The following GRK3 variants were observed in gnomAD, a reference collection of about 807,000 sequenced individuals.
The protein encoded by GRK3 is G protein-coupled receptor kinase 3.
GRK3 carries 54 observed loss-of-function variants against 95.7 expected under a neutral mutation model. The ratio of observed to expected loss-of-function variants is 0.56; its 90% CI spans 0.45 to 0.71. The LOEUF is 0.71. GRK3 is among the 30% of genes least tolerant of loss of function. The pLI is 0.00. For synonymous variants in GRK3, 281 were observed against 290.8 expected (o/e 0.97, Z 0.34); for missense variants, 649 against 851.2 (o/e 0.76, Z 2.96).
intron 8 of GRK3, among the ~76,000 whole-genome samples, chr22:25,678,027 C>T (rs759327273): frequency 5.3e-5 from 8 of 152,306 alleles, no homozygotes; most frequent in Middle Eastern, 3.4e-3. Context: ...AACGTCATAA[C>T]TTAAATATCA....
intron 2 of GRK3, among the ~76,000 whole-genome samples, chr22:25,630,921 TC>T (rs2084659661): frequency 6.6e-6 from 1 of 152,234 alleles, no homozygotes; most frequent in African/African-American, 2.4e-5. Context: ...TATAATTTTC[TC>T]CTCCTGTAAA....
At chr22:25,611,772 G>T (rs2084498953) in intron 2 of GRK3, among the ~76,000 whole-genome samples, 1 of 149,732 alleles carries the variant, frequency 6.7e-6, no homozygotes, top group East Asian at 1.9e-4. Flanking sequence ...TGAAGCACAG[G>T]TTTTATTTTT....
rs572939587 is a variant in GRK3 at position 25,674,175 on chromosome 22, G to A, written c.556-262G>A. Among the ~76,000 whole-genome samples the A allele has an allele frequency of 3.5e-4, 53 of 152,130 alleles. No individual in the cohort carries two copies. The South Asian group carries it at 7.9e-3, about 23-fold the overall frequency. On this transcript the variant is annotated intron_variant, in intron 7 of 20. Transcript: ENST00000324198. ...ATTTGTGAGAGTGGAGAAACAGTTC[G>A]GCTTGGTTCCACTCCATCATCTTCC...
intron 16 of GRK3, among the ~76,000 whole-genome samples, chr22:25,710,363 A>G (rs2085334758): frequency 6.6e-6 from 1 of 152,178 alleles, no homozygotes; most frequent in Admixed American, 6.5e-5. Context: ...TCTCTATAAA[A>G]TGTACGTGAA....
At chr22:25,604,886 A>G (rs1163109883) in intron 2 of GRK3, among the ~76,000 whole-genome samples, 2 of 152,210 alleles carry the variant, frequency 1.3e-5, no homozygotes, top group African/African-American at 2.4e-5. Flanking sequence ...TCCATGATTA[A>G]TAGACATAGA....
At chr22:25,650,557 A>T (rs905432898) in intron 3 of GRK3, among the ~76,000 whole-genome samples, 1 of 152,212 alleles carries the variant, frequency 6.6e-6, no homozygotes, top group Non-Finnish European at 1.5e-5. Flanking sequence ...GAAATAGATG[A>T]ACAGAGAGAG....
rs890960255 is a variant in GRK3 at position 25,709,769 on chromosome 22, TG to T, written c.1329-128del. On this transcript the variant is annotated intron_variant, in intron 15 of 20. Transcript: ENST00000324198. The stretch of plus-strand genomic sequence containing the variant: ...CCTGTTGTTTTGAAGGAAGCATATT[TG>T]TTTGCTTTCTTAAAGGAAAAAGTGG... 8.8e-6 allele frequency: 6 copies of T among 685,120 alleles called. No individual in the cohort carries two copies. In the African/African-American group the frequency reaches 8.9e-5, roughly 10 times the overall value. 42.4% of individuals were successfully genotyped at this position (685,120 alleles called of 1,614,324 possible). A position where few individuals can be genotyped will look rare whatever the true frequency, so the allele number is the denominator to read the frequency against.
intron 11 of GRK3, 34 bp downstream of exon 11, chr22:25,687,701 A>G: frequency 6.2e-7 from 1 of 1,612,008 alleles, no homozygotes. Flanking sequence ...TCTGCATAGT[A>G]GGTATTGTGT....
At chr22:25,681,699 A>G (rs2085075754) in intron 9 of GRK3, among the ~76,000 whole-genome samples, 1 of 152,218 alleles carries the variant, frequency 6.6e-6, no homozygotes, top group Admixed American at 6.5e-5. Context: ...ATTTTCTTCA[A>G]CAACGACTTC....
At chr22:25,621,043 G>C (rs1349473589) in intron 2 of GRK3, among the ~76,000 whole-genome samples, 1 of 152,174 alleles carries the variant, frequency 6.6e-6, no homozygotes, top group African/African-American at 2.4e-5. Context: ...TATACTAGAG[G>C]TGTTCATCCA....
chr22:25,637,270 T>G (rs2084709107), intron 2 of GRK3, among the ~76,000 whole-genome samples: 1 of 152,150 alleles, frequency 6.6e-6, no homozygotes, highest in Admixed American at 6.5e-5. Context: ...TTGTACTGAG[T>G]TACACCATCT....
chr22:25,717,289 G>A (rs1378616981), intron 18 of GRK3, among the ~76,000 whole-genome samples: 1 of 152,084 alleles, frequency 6.6e-6, no homozygotes, highest in Non-Finnish European at 1.5e-5. Context: ...GGATGACTGT[G>A]CTCGTATTTT....
chr22:25,646,761 G>A (rs747822343), intron 3 of GRK3, among the ~76,000 whole-genome samples: 15 of 152,136 alleles, frequency 9.9e-5, no homozygotes, highest in Non-Finnish European at 5.9e-5. Context: ...AATGGCTCAC[G>A]CCTGTAATCC....
chr22:25,663,794 A>T, intron 5 of GRK3, 90 bp downstream of exon 5: 1 of 871,194 alleles, frequency 1.1e-6, no homozygotes, highest in Non-Finnish European at 1.9e-6. Flanking sequence ...ATTACACTAG[A>T]GGACTTGCTT....
At chr22:25,644,017 C>T (rs1569176825) in intron 2 of GRK3, among the ~76,000 whole-genome samples, 1 of 152,112 alleles carries the variant, frequency 6.6e-6, no homozygotes, top group African/African-American at 2.4e-5. Flanking sequence ...AAAGCATGAC[C>T]TGGGAATGGG....
At position 25,672,352 on chromosome 22, in the gene GRK3, G is replaced by GT; in HGVS notation, c.555+6dup. ...AACGTTGAATTAAATATCCATGTGA[G>GT]TATCATCTTTTTCTTTTTTCATTTT... is the stretch of plus-strand genomic sequence containing the variant. On this transcript the variant is annotated splice_donor_region_variant and intron_variant, in intron 7 of 20. Transcript: ENST00000324198. 1 of 1,431,480 alleles carries GT rather than the reference G, an allele frequency of 7.0e-7. No homozygotes were observed. The highest frequency in any genetic ancestry group is 1.9e-5 in the Admixed American group (1 of 53,942). 88.7% of individuals were successfully genotyped at this position (1,431,480 alleles called of 1,614,324 possible). A position where few individuals can be genotyped will look rare whatever the true frequency, so the allele number is the denominator to read the frequency against.
intron 1 of GRK3, among the ~76,000 whole-genome samples, chr22:25,588,691 T>C (rs906289903): frequency 5.9e-5 from 9 of 152,098 alleles, no homozygotes; most frequent in African/African-American, 2.2e-4. Context: ...TATGATTGTG[T>C]GGTCATTAAA....
rs3730316 is a variant in GRK3 at position 25,704,177 on chromosome 22, C to T, written c.1296C>T (p.Asp432=). 2.0e-4 allele frequency: 322 copies of T among 1,613,518 alleles called. 2 individuals are homozygous for T. The East Asian group carries it at 3.8e-3, about 19-fold the overall frequency. ...TTTTGGAGGGCTTGCTTCAGCGAGA[C>T]GTTAGCAAGCGGCTGGGCTGTCACG... ...KSLLEGLLQR[D]VSKRLGCHGG... The change falls in exon 15 of 21, where the codon GAC becomes GAT. Residue 432 remains aspartate, a synonymous_variant. Coordinates refer to ENST00000324198, the MANE Select transcript of GRK3 (RefSeq NM_005160.4).
intron 8 of GRK3, among the ~76,000 whole-genome samples, chr22:25,678,195 C>T (rs555973050): frequency 2.6e-5 from 4 of 152,262 alleles, no homozygotes; most frequent in African/African-American, 4.8e-5. Flanking sequence ...TGGCTCATGC[C>T]TGTAATCCCA....
Sources: allele counts gnomAD v4.1 joint callset (sites outside exome capture counted in the v4.1 genomes callset), GRCh38; gene constraint gnomAD v4.1.1; transcripts MANE v1.5; gene names NCBI Gene and HGNC (gene_info 2026-07-23, HGNC 2026-07-21).